The following LGI2 variants were observed in gnomAD, a reference collection of about 807,000 sequenced individuals.
LGI2 encodes leucine-rich repeat LGI family member 2.
LGI2 carries 30 observed loss-of-function variants against 52.0 expected under a neutral mutation model. The observed-to-expected ratio is 0.58, with a 90% CI of 0.43 to 0.78. The LOEUF (loss-of-function observed/expected upper bound fraction) is 0.78. Ranked by LOEUF, LGI2 falls within the 30% of genes least tolerant of loss-of-function variation. The pLI, the probability that LGI2 is intolerant of heterozygous loss-of-function variation, is 0.00. For synonymous variants in LGI2, 270 were observed against 271.8 expected, an observed-to-expected ratio of 0.99 and a Z score of 0.06; for missense variants, 573 against 692.5, an observed-to-expected ratio of 0.83 and a Z score of 1.94.
At chr4:25,010,554 A>C (rs1365119133) in intron 7 of LGI2, among the ~76,000 whole-genome samples, 2 of 152,230 alleles carry the variant, frequency 1.3e-5, no homozygotes, top group African/African-American at 2.4e-5. Flanking sequence ...CCAAGCTTCA[A>C]AGGCACACAT....
Position 25,004,136 on chromosome 4 carries a change from A to G in LGI2, c.953T>C (p.Ile318Thr), listed in dbSNP as rs1263092423. Residue 318 changes from isoleucine to threonine, a missense_variant, in exon 8 of 8, where the codon ATA becomes ACA. Coordinates refer to ENST00000382114, the MANE Select transcript of LGI2 (RefSeq NM_018176.4). This position sits in a 1 kb window ranked among gnomAD's most constrained non-coding sequence, Gnocchi z 4.6. ...GGGCTTGGAAATGCGAGAGACCTCTATGTCTTGGAATTTGACAAATTTGGT... is the reference window on the plus strand; with the variant it reads ...GGGCTTGGAAATGCGAGAGACCTCTGTGTCTTGGAATTTGACAAATTTGGT... ...SWTKFVKFQD[I>T]EVSRISKPND... The G allele has an allele frequency of 1.2e-6, 2 of 1,614,184 alleles. No individual in the cohort carries two copies. The highest frequency in any genetic ancestry group is 2.7e-5 in the African/African-American group (2 of 75,058).
downstream of LGI2, among the ~76,000 whole-genome samples, chr4:24,994,283 C>T (rs929243647): frequency 4.6e-5 from 7 of 152,190 alleles, no homozygotes; most frequent in Non-Finnish European, 2.9e-5. Flanking sequence ...TTGTCCTGGT[C>T]TCTGTGCATA....
chr4:25,003,748 C>T lies in LGI2; in HGVS notation c.1341G>A (p.Arg447=). ...TRFIGDSRVM[R]WNSKQFVEIQ... ...TCTCCACAAACTGCTTACTGTTCCA[C>T]CTCATGACCCGGGAGTCCCCGATGA... The change falls in exon 8 of 8, where the codon AGG becomes AGA. Residue 447 remains arginine, a synonymous_variant. Transcript: ENST00000382114. 1 of 1,614,206 alleles carries T rather than the reference C, an allele frequency of 6.2e-7. No homozygotes were observed. Among genetic ancestry groups the T allele is most frequent in the South Asian group, 1.1e-5 (1 of 91,072 alleles).
At chr4:25,017,410 T>C (rs1725803488) in intron 6 of LGI2, among the ~76,000 whole-genome samples, 1 of 151,766 alleles carries the variant, frequency 6.6e-6, no homozygotes, top group Non-Finnish European at 1.5e-5. Context: ...GGTGTGGTGG[T>C]GCACACCTGT....
intron 2 of LGI2, among the ~76,000 whole-genome samples, chr4:25,028,119 C>A (rs77224266): frequency 0.012 from 1,903 of 152,294 alleles, 19 homozygotes; most frequent in Non-Finnish European, 0.02. Context: ...AAGTTCTCAG[C>A]AAACTAGAAA....
At chr4:25,016,228 C>A (rs368317122) in intron 6 of LGI2, among the ~76,000 whole-genome samples, 5 of 152,302 alleles carry the variant, frequency 3.3e-5, no homozygotes, top group African/African-American at 9.6e-5. Flanking sequence ...CCTATTCCCA[C>A]GGCCCTATAG....
At chr4:25,005,414 T>G (rs1219666617) in intron 7 of LGI2, among the ~76,000 whole-genome samples, 1 of 152,144 alleles carries the variant, frequency 6.6e-6, no homozygotes, top group African/African-American at 2.4e-5. Context: ...TTCAGGAAAC[T>G]CACTAACGCA....
intron 6 of LGI2, among the ~76,000 whole-genome samples, chr4:25,015,664 C>G (rs1018513129): frequency 1.3e-5 from 2 of 152,160 alleles, no homozygotes; most frequent in African/African-American, 4.8e-5. Context: ...GAACTCTCGA[C>G]CTTTGGCTTT....
intron 4 of LGI2, among the ~76,000 whole-genome samples, chr4:25,020,653 T>G (rs9995805): frequency 0.024 from 3,685 of 152,258 alleles, 140 homozygotes; most frequent in African/African-American, 0.079. Context: ...CCCAGAAGGA[T>G]GAATTAAAGA....
chr4:25,012,953 C>T (rs1466962359), intron 6 of LGI2, among the ~76,000 whole-genome samples: 4 of 152,204 alleles, frequency 2.6e-5, no homozygotes, highest in Admixed American at 2.6e-4. Context: ...GGGAAGAAGT[C>T]TGTTTTTTGT....
At chr4:25,011,889 G>A (rs1447621018) in intron 7 of LGI2, among the ~76,000 whole-genome samples, 1 of 152,106 alleles carries the variant, frequency 6.6e-6, no homozygotes, top group Non-Finnish European at 1.5e-5. Flanking sequence ...TGATCACTAG[G>A]ACTTAGCAAA....
intron 4 of LGI2, among the ~76,000 whole-genome samples, chr4:25,019,606 G>A (rs1215525996): frequency 1.3e-5 from 2 of 152,108 alleles, no homozygotes; most frequent in Non-Finnish European, 2.9e-5. Flanking sequence ...CAACTACTCA[G>A]TGGATCTCTG....
downstream of LGI2, among the ~76,000 whole-genome samples, chr4:24,998,355 T>A (rs948397896): frequency 6.6e-6 from 1 of 152,194 alleles, no homozygotes; most frequent in African/African-American, 2.4e-5. Context: ...TCATATGTGA[T>A]TTGGTTTCTG....
At chr4:25,025,033 C>G in intron 3 of LGI2, 142 bp from the exon 4 acceptor site, 1 of 582,816 alleles carries the variant, frequency 1.7e-6, no homozygotes, top group South Asian at 2.6e-5. Context: ...TCAGCTACAC[C>G]AAATTCCATG....
At chr4:24,993,833 T>C in the LGI2 span, among the ~76,000 whole-genome samples, 1 of 152,276 alleles carries the variant, frequency 6.6e-6, no homozygotes, top group African/African-American at 2.4e-5. Context: ...AAAATGCAAA[T>C]GCATTGGCAG....
rs534700740 is a variant in LGI2 at position 25,013,706 on chromosome 4, A to T, written c.656-1207T>A. On this transcript the variant is annotated intron_variant, in intron 6 of 7. Transcript: ENST00000382114. ...AAATGCAAGGTACATGTAAGTATATATTGCAGTGCTATGGTGATCACTCAG... is the reference window on the plus strand; with the variant it reads ...AAATGCAAGGTACATGTAAGTATATTTTGCAGTGCTATGGTGATCACTCAG... Among the ~76,000 whole-genome samples the T allele has an allele frequency of 3.9e-5, 6 of 152,308 alleles. No homozygotes were observed. In the South Asian group the frequency reaches 1.2e-3, roughly 32 times the overall value.
rs773929694 is a variant in LGI2 at position 25,009,570 on chromosome 4, G to A, written c.820+2765C>T. Among the ~76,000 whole-genome samples the A allele has an allele frequency of 2.4e-4, 37 of 152,072 alleles. No homozygotes were observed. The South Asian group carries it at 2.7e-3, about 11-fold the overall frequency. On this transcript the variant is annotated intron_variant, in intron 7 of 7. Transcript: ENST00000382114. ...ATTTTTACAATAATTATTACAATAC[G>A]AATATTCTTTCTTATTGTCTCTTTC...
At chr4:25,018,256 G>A in intron 5 of LGI2, 98 bp from the exon 6 acceptor site, 1 of 822,558 alleles carries the variant, frequency 1.2e-6, no homozygotes, top group East Asian at 2.7e-5. Context: ...TTAACATCCT[G>A]ATATATTTAA....
In LGI2 at chr4:25,027,079, CA is replaced by C. The variant is rs1217461139; in HGVS notation, c.270-141del. On this transcript the variant is annotated intron_variant, in intron 2 of 7. Transcript: ENST00000382114. ...GCCTAAGGAGACCACATTTTGTTGT[CA>C]AAAACCTGATTCTCACAGCCTGCTC... is the stretch of plus-strand genomic sequence containing the variant. The C allele has an allele frequency of 9.2e-6, 6 of 653,448 alleles. No individual in the cohort carries two copies. In the African/African-American group the frequency reaches 1.1e-4, roughly 12 times the overall value. The allele number at this position is 653,448 out of a possible 1,614,324, so 40.5% of individuals were successfully genotyped here.
Sources: allele counts gnomAD v4.1 joint callset (sites outside exome capture counted in the v4.1 genomes callset), GRCh38; gene constraint gnomAD v4.1.1; non-coding constraint Gnocchi (gnomAD v3.1); transcripts MANE v1.5; gene names NCBI Gene and HGNC (gene_info 2026-07-23, HGNC 2026-07-21).